The following CCDC40 variants were observed in gnomAD, a reference collection of about 807,000 sequenced individuals.
CCDC40 encodes the protein coiled-coil domain-containing protein 40.
CCDC40 carries 104 observed loss-of-function variants against 124.5 expected under a neutral mutation model. The ratio of observed to expected loss-of-function variants is 0.84; its 90% confidence interval spans 0.71 to 0.98. The LOEUF (loss-of-function observed/expected upper bound fraction) is 0.98, where lower values mean the gene tolerates loss of function less well. Among genes scored for constraint, CCDC40 ranks in the 50% least tolerant of loss-of-function variants. CCDC40 has a pLI of 0.00. For missense variants in CCDC40, 1,463 were observed against 1,503.9 expected (o/e 0.97, Z 0.45); for synonymous variants, 580 against 602.9 (o/e 0.96, Z 0.56).
chr17:80,046,882 G>C (rs2037433210), intron 3 of CCDC40, among the ~76,000 whole-genome samples: 1 of 152,138 alleles, frequency 6.6e-6, no homozygotes. Context: ...GTCTTGCTCT[G>C]TTGCCCAGGC....
rs774630271 is a variant in CCDC40 at position 80,099,755 on chromosome 17, G to A, written c.3409G>A (p.Glu1137Lys). Reference protein sequence around the residue: ...KVSQMIANKLESPGPS With the variant: ...KVSQMIANKLKSPGPS ...CAGCCAGATGATCGCCAACAAGCTCGAGTCACCAGGGCCCTCCTAGGGAGC... is the reference window on the plus strand; with the variant it reads ...CAGCCAGATGATCGCCAACAAGCTCAAGTCACCAGGGCCCTCCTAGGGAGC... The change falls in exon 20 of 20, where the codon GAG becomes AAG. Residue 1137 changes from glutamate (E) to lysine (K), a missense_variant. Transcript: ENST00000397545. 1.4e-5 allele frequency: 22 copies of A among 1,613,266 alleles called. No individual in the cohort carries two copies. Among genetic ancestry groups the A allele is most frequent in the African/African-American group, 4.0e-5 (3 of 74,884 alleles).
At chr17:80,065,967 C>G in intron 10 of CCDC40, 1 of 629,678 alleles carries the variant, frequency 1.6e-6, no homozygotes, top group East Asian at 2.7e-5. Flanking sequence ...CTCGATTGTT[C>G]TGCCTGAGGG....
intron 17 of CCDC40, chr17:80,092,063 ACT>A (rs1431505481): frequency 3.3e-5 from 5 of 150,220 alleles, no homozygotes; most frequent in Admixed American, 2.7e-4. Context: ...TTTGAGACAG[ACT>A]CTCTGTCATT....
Position 80,050,112 on chromosome 17 carries a change from A to G in CCDC40, c.988A>G (p.Asn330Asp). ...AGCCCAGCGGCAGGAGCTGGGGGTG[A>G]ATCTCTATGAGGTGCAGCAGCACCT... The part of the protein sequence containing the change: ...SRAQRQELGV[N>D]LYEVQQHLVH... Residue 330 changes from asparagine (N) to aspartate (D), a missense_variant, in exon 7 of 20, where the codon AAT becomes GAT. Asn to Asp is a conservative substitution (Grantham distance 23, BLOSUM62 1). Coordinates refer to ENST00000397545, the MANE Select transcript of CCDC40 (RefSeq NM_017950.4). 1 of 1,613,930 alleles carries G rather than the reference A, an allele frequency of 6.2e-7. No individual in the cohort carries two copies. Among genetic ancestry groups the G allele is most frequent in the Non-Finnish European group, 8.5e-7 (1 of 1,180,022 alleles).
chr17:80,042,638 A>G (rs1242995788), intron 3 of CCDC40, among the ~76,000 whole-genome samples: 1 of 152,182 alleles, frequency 6.6e-6, no homozygotes, highest in South Asian at 2.1e-4. Flanking sequence ...TTTCCCATCC[A>G]GATGCCTTTT....
chr17:80,082,837 A>C (rs188570171), intron 12 of CCDC40, among the ~76,000 whole-genome samples: 46 of 152,310 alleles, frequency 3.0e-4, no homozygotes, highest in African/African-American at 1.1e-3. Flanking sequence ...CAGTTTCCAG[A>C]AGAGGGCAGC....
chr17:80,097,742 C>T (rs576072673), intron 19 of CCDC40: 3 of 340,410 alleles, frequency 8.8e-6, no homozygotes, highest in African/African-American at 4.2e-5. Context: ...TTAAAAGATA[C>T]AGTGTGTTGT....
intron 9 of CCDC40, among the ~76,000 whole-genome samples, chr17:80,060,229 G>A (rs778145217): frequency 2.6e-5 from 4 of 151,854 alleles, no homozygotes; most frequent in Non-Finnish European, 4.4e-5. Flanking sequence ...TAGCATCGCC[G>A]CACCAAATAT....
intron 10 of CCDC40, among the ~76,000 whole-genome samples, chr17:80,069,262 G>C (rs995888222): frequency 6.6e-6 from 1 of 152,104 alleles, no homozygotes; most frequent in Non-Finnish European, 1.5e-5. Context: ...CTGCTGCGTG[G>C]GGGGGGCGGT....
chr17:80,041,010 G>A (rs2037265858), intron 3 of CCDC40, among the ~76,000 whole-genome samples: 1 of 152,176 alleles, frequency 6.6e-6, no homozygotes, highest in Admixed American at 6.5e-5. Flanking sequence ...TGCAGTTCTA[G>A]ATAAAAACAA....
Position 80,099,250 on chromosome 17 carries a change from C to G in CCDC40, c.3181-277C>G, listed in dbSNP as rs562921390. On this transcript the variant is annotated intron_variant, in intron 19 of 19. Coordinates refer to ENST00000397545, the MANE Select transcript of CCDC40 (RefSeq NM_017950.4). Reference sequence around the variant, plus strand: ...AGCTTGCAGTGAGCCGAGATCGCACCGCTGCACTCCAGCCTGGGCGACAGA... The same window carrying G: ...AGCTTGCAGTGAGCCGAGATCGCACGGCTGCACTCCAGCCTGGGCGACAGA... Among the ~76,000 whole-genome samples the G allele has an allele frequency of 2.6e-5, 4 of 151,942 alleles. No homozygotes were observed. The East Asian group carries it at 7.7e-4, about 29-fold the overall frequency.
At chr17:80,037,690 G>GATATATATATATATATATAT (rs757748232) in intron 1 of CCDC40, among the ~76,000 whole-genome samples, 2,285 of 91,664 alleles carry the variant, frequency 0.025, 249 homozygotes, top group Non-Finnish European at 0.033. Flanking sequence ...TTTTAAAAAA[G>GATATATATATATATATATAT]ATATACATAT....
At chr17:80,089,720 A>G in intron 16 of CCDC40, 44 bp from the exon 17 acceptor site, 2 of 1,613,240 alleles carry the variant, frequency 1.2e-6, no homozygotes, top group Admixed American at 1.7e-5. Context: ...GAAGCATCAG[A>G]AGAAAACTCC....
At chr17:80,075,574 G>A (rs2038292793) in intron 10 of CCDC40, among the ~76,000 whole-genome samples, 1 of 152,164 alleles carries the variant, frequency 6.6e-6, no homozygotes, top group African/African-American at 2.4e-5. Flanking sequence ...GCCCGCCCCG[G>A]GTTAGTGGAA....
In CCDC40 at chr17:80,051,725, C is replaced by CTTTCAGTGTGG. The variant is rs1276553031; in HGVS notation, c.1159+1442_1159+1443insTTTCAGTGTGG. Among the ~76,000 whole-genome samples the CTTTCAGTGTGG allele has an allele frequency of 3.9e-3, 590 of 152,056 alleles. 4 individuals are homozygous for CTTTCAGTGTGG. Among genetic ancestry groups the CTTTCAGTGTGG allele is most frequent in the African/African-American group, 0.014 (575 of 41,488 alleles). ...GTAAAAGGAAAGAAAGTGACATCCA[C>CTTTCAGTGTGG]ACTGAACTGAAAGAGCCACATCCTC... On this transcript the variant is annotated intron_variant, in intron 7 of 19. Coordinates refer to ENST00000397545, the MANE Select transcript of CCDC40 (RefSeq NM_017950.4).
chr17:80,078,743 G>C (rs146967427), intron 10 of CCDC40, among the ~76,000 whole-genome samples: 2,234 of 152,024 alleles, frequency 0.015, 58 homozygotes, highest in African/African-American at 0.052. Flanking sequence ...AAATTATTTT[G>C]GTTACTCTAG....
Position 80,041,306 on chromosome 17 carries a change from G to A in CCDC40, c.552+1036G>A, listed in dbSNP as rs768785759. ...GTGGATCACTTGAGGCCAGGAGTTCGATACCAGCCTGGCCAACATGGTGAA... is the reference window on the plus strand; with the variant it reads ...GTGGATCACTTGAGGCCAGGAGTTCAATACCAGCCTGGCCAACATGGTGAA... On this transcript the variant is annotated intron_variant, in intron 3 of 19. Transcript: ENST00000397545. Among the ~76,000 whole-genome samples the A allele has an allele frequency of 5.3e-4, 81 of 152,028 alleles. 2 individuals are homozygous for A. The highest frequency in any genetic ancestry group is 3.3e-3 in the Admixed American group (50 of 15,238).
chr17:80,036,749 C>T, intron 1 of CCDC40, 58 bp downstream of exon 1: 2 of 1,445,892 alleles, frequency 1.4e-6, no homozygotes, highest in Non-Finnish European at 1.8e-6. Context: ...TCTCCGTTCA[C>T]CGCTCCAGGT....
intron 3 of CCDC40, among the ~76,000 whole-genome samples, chr17:80,043,522 C>A (rs2037335984): frequency 6.6e-6 from 1 of 151,392 alleles, no homozygotes. Flanking sequence ...TGGCTCACAC[C>A]CCTGCGGCCG....
Sources: allele counts gnomAD v4.1 joint callset (sites outside exome capture counted in the v4.1 genomes callset), GRCh38; gene constraint gnomAD v4.1.1; transcripts MANE v1.5; gene names NCBI Gene and HGNC (gene_info 2026-07-23, HGNC 2026-07-21).